Variants in ANK1 observed in about 807,000 individuals in gnomAD.
The protein encoded by ANK1 is ankyrin 1, also known as ankyrin-1.
ANK1 carries 51 observed loss-of-function variants against 210.4 expected under a neutral mutation model. The ratio of observed to expected loss-of-function variants is 0.24; its 90% CI spans 0.19 to 0.31. The LOEUF is 0.31. ANK1 is among the 10% of genes least tolerant of loss of function. The pLI, the probability that ANK1 is intolerant of heterozygous loss-of-function variation, is 1.00. For synonymous variants in ANK1, 967 were observed against 1,025.9 expected (o/e 0.94, Z 1.10); for missense variants, 2,051 against 2,504.4 (o/e 0.82, Z 3.86).
At position 41,655,315 on chromosome 8, in the gene ANK1, T is replaced by TTTTTC. The variant is rs1256289103; in HGVS notation, c.*470_*474dup. ...TTCATGCCTAGTTTTCTTTTTTTTT[T>TTTTTC]TTTTCTTTCCAGGAAGCCCACATGG... is the stretch of plus-strand genomic sequence containing the variant. On this transcript the variant is annotated 3_prime_UTR_variant, in exon 43 of 43. Coordinates refer to ENST00000289734, the MANE Select transcript of ANK1 (RefSeq NM_000037.4). 1.1e-4 allele frequency: 19 copies of TTTTTC among 166,858 alleles called. No homozygotes were observed. Among genetic ancestry groups the TTTTTC allele is most frequent in the Non-Finnish European group, 2.4e-4 (19 of 77,722 alleles). 10.3% of individuals were successfully genotyped at this position (166,858 alleles called of 1,614,324 possible). A position where few individuals can be genotyped will look rare whatever the true frequency, so the allele number is the denominator to read the frequency against.
intron 31 of ANK1, 151 bp downstream of exon 31, chr8:41,692,497 A>T: frequency 1.3e-6 from 1 of 776,196 alleles, no homozygotes. Context: ...AGCTTCTCTA[A>T]GATGCTTCTC....
In ANK1 at chr8:41,727,925, C is replaced by T. The variant is rs561134856; in HGVS notation, c.310G>A (p.Val104Ile). ...VRELVNYGAN[V>I]NAQSQKGFTP... is the part of the protein sequence containing the mutation. ...GCCATTACCTGTGACTGGGCGTTGACGTTGGCTCCATAGTTGACAAGCTCC... is the reference window on the plus strand; with the variant it reads ...GCCATTACCTGTGACTGGGCGTTGATGTTGGCTCCATAGTTGACAAGCTCC... The change falls in exon 4 of 43, where the codon GTC (valine) becomes ATC (isoleucine). Residue 104 changes from valine to isoleucine, a missense_variant. Around this residue, in one of 6 missense-constraint regions of ANK1, gnomAD observed 72 missense variants for 133.5 expected, o/e 0.54. Coordinates refer to ENST00000289734, the MANE Select transcript of ANK1 (RefSeq NM_000037.4). 5.2e-5 allele frequency: 84 copies of T among 1,614,200 alleles called. No individual in the cohort carries two copies. The highest frequency in any genetic ancestry group is 2.7e-4 in the Admixed American group (16 of 60,028).
intron 1 of ANK1, among the ~76,000 whole-genome samples, chr8:41,776,695 T>C (rs891626623): frequency 2.0e-5 from 3 of 152,220 alleles, no homozygotes; most frequent in Non-Finnish European, 2.9e-5. Flanking sequence ...TTCCTCTCTC[T>C]TCCCAGAGCC....
At chr8:41,668,960 C>A (rs1236020231) in intron 38 of ANK1, among the ~76,000 whole-genome samples, 1 of 152,114 alleles carries the variant, frequency 6.6e-6, no homozygotes, top group Admixed American at 6.5e-5. Context: ...ACTCAGCAGT[C>A]CTCATCTGAC....
At chr8:41,693,066 C>A (rs368946827) in intron 30 of ANK1, 39 bp downstream of exon 30, 1 of 1,558,858 alleles carries the variant, frequency 6.4e-7, no homozygotes, top group African/African-American at 1.4e-5. Context: ...AGCCTGAGGA[C>A]GGCCCACACA....
chr8:41,783,690 C>T (rs1845782652), intron 1 of ANK1, among the ~76,000 whole-genome samples: 1 of 152,140 alleles, frequency 6.6e-6, no homozygotes, highest in Non-Finnish European at 1.5e-5. Context: ...CACACCAATC[C>T]AAAGGGTGCT....
rs554624498 is a variant in ANK1 at position 41,754,176 on chromosome 8, C to T, written c.129+3860G>A. ...TGACTTTAAAATGAAATTATTCTAT[C>T]CCTTCAGCCCAGCTCTCCATATACA... On this transcript the variant is annotated intron_variant, in intron 2 of 42. Transcript: ENST00000289734. Among the ~76,000 whole-genome samples the T allele has an allele frequency of 5.9e-5, 9 of 152,320 alleles. No homozygotes were observed. The South Asian group carries it at 6.2e-4, about 11-fold the overall frequency.
At chr8:41,664,985 CACCAGCGTGACCA>C (rs913082900) in intron 39 of ANK1, 1 of 1,614,044 alleles carries the variant, frequency 6.2e-7, no homozygotes, top group Non-Finnish European at 8.5e-7. Context: ...AGCTCAGCAG[CACCAGCGTGACCA>C]ACAGCTGGGT....
chr8:41,896,708 C>A, exon 1 of ANK1: 2 of 318,052 alleles, frequency 6.3e-6, no homozygotes, highest in Non-Finnish European at 4.9e-6. Flanking sequence ...CCGCCGCGGC[C>A]GGAGCTCGCT....
intron 1 of ANK1, among the ~76,000 whole-genome samples, chr8:41,873,969 G>C (rs113494215): frequency 6.6e-6 from 1 of 152,196 alleles, no homozygotes; most frequent in South Asian, 2.1e-4. Flanking sequence ...ACACACAAAC[G>C]CACATGCACA....
At chr8:41,850,124 A>G (rs1810954149) in intron 1 of ANK1, among the ~76,000 whole-genome samples, 1 of 152,086 alleles carries the variant, frequency 6.6e-6, no homozygotes, top group Non-Finnish European at 1.5e-5. Flanking sequence ...TTCACCCTTT[A>G]TAAGATAAGT....
At chr8:41,748,599 T>C (rs1386629138) in intron 2 of ANK1, among the ~76,000 whole-genome samples, 2 of 152,224 alleles carry the variant, frequency 1.3e-5, no homozygotes, top group African/African-American at 2.4e-5. Flanking sequence ...CTCGGAGACT[T>C]GTATCCTTCC....
intron 39 of ANK1, chr8:41,665,472 C>T (rs889746251): frequency 3.0e-5 from 11 of 365,360 alleles, no homozygotes; most frequent in Admixed American, 7.6e-5. Context: ...CTCGGCCTCT[C>T]ACCTATCCTG....
intron 1 of ANK1, among the ~76,000 whole-genome samples, chr8:41,795,538 T>C (rs886443909): frequency 1.3e-5 from 2 of 151,642 alleles, no homozygotes; most frequent in African/African-American, 4.8e-5. Flanking sequence ...ATTAAATAAA[T>C]AAATATAAAA....
At chr8:41,792,296 C>A (rs1847903132) in intron 1 of ANK1, among the ~76,000 whole-genome samples, 1 of 152,202 alleles carries the variant, frequency 6.6e-6, no homozygotes, top group African/African-American at 2.4e-5. Flanking sequence ...GGGCTGCAGT[C>A]CAGGCTGGGC....
intron 1 of ANK1, among the ~76,000 whole-genome samples, chr8:41,763,889 C>CTTTTTTTTTTTTTTTTTTTTTTTTTTTGT (rs869100297): frequency 1.7e-5 from 1 of 57,808 alleles, no homozygotes; most frequent in Non-Finnish European, 3.0e-5. Context: ...TTCTTTTTTT[C>CTTTTTTTTTTTTTTTTTTTTTTTTTTTGT]TTTTTTTTTT....
intron 1 of ANK1, among the ~76,000 whole-genome samples, chr8:41,856,822 C>A (rs78370975): frequency 6.6e-6 from 1 of 150,666 alleles, no homozygotes. Flanking sequence ...GCATAAGGAA[C>A]ACTCAACCTT....
intron 1 of ANK1, among the ~76,000 whole-genome samples, chr8:41,832,262 A>G (rs1422975788): frequency 6.6e-6 from 1 of 152,190 alleles, no homozygotes; most frequent in Non-Finnish European, 1.5e-5. Context: ...AGACGGGGAA[A>G]GAGAAGTGTC....
chr8:41,729,678 C>T (rs538900213), intron 3 of ANK1, among the ~76,000 whole-genome samples: 3 of 152,352 alleles, frequency 2.0e-5, no homozygotes, highest in African/African-American at 2.4e-5. Context: ...TAACATTCTC[C>T]GGTTTTCTTG....
Sources: gnomAD v4.1 joint callset for allele counts (sites outside exome capture counted in the v4.1 genomes callset) on GRCh38, gnomAD v4.1.1 for gene constraint, gnomAD v4.1.1 regional missense constraint, MANE v1.5 for transcripts, NCBI Gene and HGNC (gene_info 2026-07-23, HGNC 2026-07-21) for gene names.